Variants in ARHGEF6 observed in about 807,000 individuals in gnomAD.
The protein encoded by ARHGEF6 is Rac/Cdc42 guanine nucleotide exchange factor 6.
In ARHGEF6, 9 loss-of-function variants were observed where a neutral mutation model predicts 70.3. That is an observed-to-expected ratio of 0.13 (90% confidence interval 0.08 to 0.22). The LOEUF (loss-of-function observed/expected upper bound fraction) is 0.22. Ranked by LOEUF, ARHGEF6 falls within the 10% of genes least tolerant of loss-of-function variation. The pLI is 1.00. For synonymous variants in ARHGEF6, 201 were observed against 207.8 expected (o/e 0.97, Z 0.28); for missense variants, 470 against 563.0 (o/e 0.83, Z 1.67).
chrX:136,780,076 T>C (rs894057156), intron 1 of ARHGEF6, among the ~76,000 whole-genome samples: 2 of 112,179 alleles, frequency 1.8e-5, no homozygotes, highest in Admixed American at 1.9e-4. Flanking sequence ...TTACTTAAAG[T>C]GCCTACTTTA....
chrX:136,681,836 C>T (rs936850557), intron 14 of ARHGEF6, 54 bp downstream of exon 14: 1 of 1,050,695 alleles, frequency 9.5e-7, no homozygotes, highest in Non-Finnish European at 1.3e-6. Flanking sequence ...TTAAATTCCC[C>T]TTCATTCCAA....
chrX:136,686,592 GTGTA>G (rs1256540278), intron 11 of ARHGEF6, among the ~76,000 whole-genome samples: 48 of 59,679 alleles, frequency 8.0e-4, no homozygotes, highest in African/African-American at 3.2e-3. Flanking sequence ...GTGTATGTGT[GTGTA>G]TATATATATA....
intron 5 of ARHGEF6, among the ~76,000 whole-genome samples, chrX:136,735,474 T>TG (rs1027247299): frequency 2.7e-5 from 3 of 109,980 alleles, no homozygotes; most frequent in Non-Finnish European, 3.8e-5. Flanking sequence ...CCCTGGGTGG[T>TG]GGGGGGGATT....
chrX:136,668,664 C>T (rs2076189939), intron 21 of ARHGEF6, among the ~76,000 whole-genome samples: 1 of 108,780 alleles, frequency 9.2e-6, no homozygotes, highest in Non-Finnish European at 1.9e-5. Flanking sequence ...TCTCACTTAC[C>T]TGAGATTACC....
chrX:136,673,061 GA>G (rs752618143), intron 19 of ARHGEF6, among the ~76,000 whole-genome samples: 8 of 111,790 alleles, frequency 7.2e-5, no homozygotes, highest in Non-Finnish European at 1.3e-4. Context: ...AAAATGTTCA[GA>G]AAAAACAAAA....
At chrX:136,687,349 T>C (rs943079496) in intron 11 of ARHGEF6, among the ~76,000 whole-genome samples, 2 of 112,390 alleles carry the variant, frequency 1.8e-5, no homozygotes, top group Non-Finnish European at 3.8e-5. Context: ...AATGAAGTTT[T>C]CTTTCCTCCT....
At position 136,747,684 on chromosome X, in the gene ARHGEF6, GAAAAA is replaced by G. The variant is rs140379962; in HGVS notation, c.250-97_250-93del. Reference sequence around the variant, plus strand: ...AAAGGCCACTTCCTCCAGCTCTCCGGAAAAAAAAAAAAAAAAAAAAAGTGTAGAAG... The same window carrying G: ...AAAGGCCACTTCCTCCAGCTCTCCGGAAAAAAAAAAAAAAAAGTGTAGAAG... On this transcript the variant is annotated intron_variant, in intron 2 of 21. Coordinates refer to ENST00000250617, the MANE Select transcript of ARHGEF6 (RefSeq NM_004840.3). 68 of 123,765 alleles carry G rather than the reference GAAAAA, an allele frequency of 5.5e-4. 1 individual carries two copies. Among genetic ancestry groups the G allele is most frequent in the East Asian group, 9.8e-4 (5 of 5,103 alleles). The allele number at this position is 123,765 out of a possible 1,213,427, so 10.2% of individuals were successfully genotyped here. A position where few individuals can be genotyped will look rare whatever the true frequency, so the allele number is the denominator to read the frequency against.
intron 2 of ARHGEF6, chrX:136,767,103 C>A: frequency 4.0e-6 from 3 of 754,325 alleles, no homozygotes; most frequent in Non-Finnish European, 4.7e-6. Context: ...GGCCCTCGCG[C>A]GCTCCCCTTC....
In ARHGEF6 at chrX:136,666,857, G is replaced by C. The variant is rs2076166237; in HGVS notation, c.*1172C>G. 8.9e-6 allele frequency: 1 copy of C among 111,841 alleles called. No individual in the cohort carries two copies. Among genetic ancestry groups the C allele is most frequent in the South Asian group, 3.7e-4 (1 of 2,689 alleles). 9.2% of individuals were successfully genotyped at this position (111,841 alleles called of 1,213,427 possible). A position where few individuals can be genotyped will look rare whatever the true frequency, so the allele number is the denominator to read the frequency against. On this transcript the variant is annotated 3_prime_UTR_variant, in exon 22 of 22. Transcript: ENST00000250617. ...TAATCCAGCACACAGCTACTAGAGGGGCCCTTTTGTTCTGGATGTACAAGT... is the reference window on the plus strand; with the variant it reads ...TAATCCAGCACACAGCTACTAGAGGCGCCCTTTTGTTCTGGATGTACAAGT...
At chrX:136,677,595 AG>A in intron 17 of ARHGEF6, among the ~76,000 whole-genome samples, 1 of 111,784 alleles carries the variant, frequency 8.9e-6, no homozygotes, top group East Asian at 2.8e-4. Context: ...TTAAAAATAT[AG>A]GAAACAAATC....
chrX:136,736,302 T>G (rs2076984617), intron 5 of ARHGEF6, among the ~76,000 whole-genome samples: 1 of 112,427 alleles, frequency 8.9e-6, no homozygotes, highest in Admixed American at 9.4e-5. Flanking sequence ...AAGTGGCTAA[T>G]TTTCTCATTT....
chrX:136,704,710 T>A (rs1479243798), intron 9 of ARHGEF6, among the ~76,000 whole-genome samples: 1 of 111,446 alleles, frequency 9.0e-6, no homozygotes, highest in Non-Finnish European at 1.9e-5. Flanking sequence ...TAAGAACAGC[T>A]TGGGGAAAAC....
At chrX:136,670,159 C>T (rs898132832) in intron 20 of ARHGEF6, among the ~76,000 whole-genome samples, 1 of 112,016 alleles carries the variant, frequency 8.9e-6, no homozygotes, top group Non-Finnish European at 1.9e-5. Context: ...AACCAATGCA[C>T]ATCTTCCCAT....
chrX:136,718,627 C>A (rs1402346997), intron 6 of ARHGEF6, among the ~76,000 whole-genome samples: 2 of 111,277 alleles, frequency 1.8e-5, no homozygotes, highest in Admixed American at 9.6e-5. Context: ...ATACAAATTT[C>A]TTTATGCATA....
intron 1 of ARHGEF6, among the ~76,000 whole-genome samples, chrX:136,780,027 T>C (rs573929848): frequency 3.6e-5 from 4 of 112,355 alleles, no homozygotes; most frequent in Middle Eastern, 9.2e-3. Flanking sequence ...CAGTCCATGA[T>C]GACCTTAAGA....
intron 5 of ARHGEF6, among the ~76,000 whole-genome samples, chrX:136,736,736 C>T (rs191053658): frequency 7.6e-4 from 84 of 110,660 alleles, no homozygotes; most frequent in African/African-American, 2.7e-3. Flanking sequence ...AATCGGCCTC[C>T]TCTCAAAGAG....
chrX:136,702,885 C>T (rs779008723), intron 9 of ARHGEF6, among the ~76,000 whole-genome samples: 18 of 111,839 alleles, frequency 1.6e-4, no homozygotes, highest in Non-Finnish European at 3.0e-4. Flanking sequence ...TTCTAATTAA[C>T]ATTTGTAGAA....
chrX:136,758,956 T>C (rs1179381777), intron 2 of ARHGEF6, among the ~76,000 whole-genome samples: 1 of 111,804 alleles, frequency 8.9e-6, no homozygotes, highest in Non-Finnish European at 1.9e-5. Flanking sequence ...ATCTGGCAAA[T>C]GAAGTCACCC....
At chrX:136,751,949 A>C (rs2077156076) in intron 2 of ARHGEF6, among the ~76,000 whole-genome samples, 1 of 111,654 alleles carries the variant, frequency 9.0e-6, no homozygotes, top group Non-Finnish European at 1.9e-5. Flanking sequence ...CGGATGAGTA[A>C]ACTAAGACTC....
Sources: allele counts gnomAD v4.1 joint callset (sites outside exome capture counted in the v4.1 genomes callset), GRCh38; gene constraint gnomAD v4.1.1; transcripts MANE v1.5; gene names NCBI Gene and HGNC (gene_info 2026-07-23, HGNC 2026-07-21).